Variants in CC2D2B observed in about 807,000 individuals in gnomAD.
CC2D2B encodes the protein protein CC2D2B.
A neutral mutation model predicts 161.2 loss-of-function variants in CC2D2B; 128 were observed. That is an observed-to-expected ratio of 0.79 (90% CI 0.69 to 0.92). The LOEUF is 0.92. CC2D2B is among the 40% of genes least tolerant of loss of function. CC2D2B has a pLI of 0.00. For synonymous variants in CC2D2B, 391 were observed against 449.8 expected (o/e 0.87, Z 1.65); for missense variants, 1,173 against 1,375.1 (o/e 0.85, Z 2.32).
intron 3 of CC2D2B, among the ~76,000 whole-genome samples, 199 bp from the exon 4 acceptor site, chr10:95,924,111 GTATT>G (rs1387822320): frequency 6.6e-6 from 1 of 152,170 alleles, no homozygotes; most frequent in East Asian, 1.9e-4. Flanking sequence ...ATGGGTGAAA[GTATT>G]TATTCCAGAT....
intron 9 of CC2D2B, among the ~76,000 whole-genome samples, chr10:95,947,725 G>C (rs2076271811): frequency 6.6e-6 from 1 of 151,868 alleles, no homozygotes; most frequent in African/African-American, 2.4e-5. Context: ...TTCCAGCCTG[G>C]TGACACAGTG....
At chr10:95,976,100 G>A (rs922474015) in intron 17 of CC2D2B, among the ~76,000 whole-genome samples, 4 of 152,070 alleles carry the variant, frequency 2.6e-5, no homozygotes, top group African/African-American at 9.7e-5. Flanking sequence ...CATCTCCCTA[G>A]GCTGTTGGTC....
At chr10:95,983,847 T>C in intron 19 of CC2D2B, 38 bp downstream of exon 19, 1 of 952,100 alleles carries the variant, frequency 1.1e-6, no homozygotes, top group Non-Finnish European at 1.4e-6. Flanking sequence ...TATTGTATGA[T>C]AAAGTTAACG....
chr10:95,964,509 C>T (rs569412138), intron 12 of CC2D2B, among the ~76,000 whole-genome samples: 18 of 152,080 alleles, frequency 1.2e-4, no homozygotes, highest in African/African-American at 3.4e-4. Context: ...GCCCTGAATC[C>T]GAAGAAAATA....
At chr10:95,988,578 A>G (rs2077823590) in intron 20 of CC2D2B, among the ~76,000 whole-genome samples, 2 of 152,172 alleles carry the variant, frequency 1.3e-5, no homozygotes, top group Admixed American at 1.3e-4. Flanking sequence ...GTTTAAACAT[A>G]CATTTTAAAG....
rs10748652 is a variant in CC2D2B, at chr10:96,012,739, T to A, written c.3426+10T>A. Reference sequence around the variant, plus strand: ...TTCTAATGCAACATTTGTAAGTTATTATTATTTTTAACATCTTCATTGTGA... The same window carrying A: ...TTCTAATGCAACATTTGTAAGTTATAATTATTTTTAACATCTTCATTGTGA... On this transcript the variant is annotated intron_variant, in intron 28 of 34. Transcript: ENST00000646931. 893,147 of 1,502,660 alleles carry A rather than the reference T, an allele frequency of 0.59. 267,824 individuals carry two copies. Among genetic ancestry groups the A allele is most frequent in the East Asian group, 0.81 (35,921 of 44,226 alleles). 93.1% of individuals were successfully genotyped at this position (1,502,660 alleles called of 1,614,324 possible).
At chr10:95,929,243 G>C (rs757667062) in intron 6 of CC2D2B, among the ~76,000 whole-genome samples, 17 of 151,848 alleles carry the variant, frequency 1.1e-4, no homozygotes, top group Non-Finnish European at 2.2e-4. Flanking sequence ...CTTTTTGATG[G>C]GGTTGTTTTT....
chr10:95,910,268 G>C (rs1280226616), intron 1 of CC2D2B, among the ~76,000 whole-genome samples: 2 of 152,164 alleles, frequency 1.3e-5, no homozygotes, highest in South Asian at 2.1e-4. Context: ...TCTTGTATTA[G>C]GCCATTCTTG....
chr10:95,968,328 C>G (rs563716194), intron 14 of CC2D2B, among the ~76,000 whole-genome samples: 2 of 152,218 alleles, frequency 1.3e-5, no homozygotes, highest in African/African-American at 4.8e-5. Context: ...ATGTGTGTGT[C>G]TTTTTAAAGT....
intron 11 of CC2D2B, among the ~76,000 whole-genome samples, chr10:95,960,306 T>A (rs942044971): frequency 6.6e-6 from 1 of 152,196 alleles, no homozygotes; most frequent in African/African-American, 2.4e-5. Context: ...ACAAAAAATG[T>A]TGGTAACATT....
At chr10:95,909,459 T>C (rs920263959) in intron 1 of CC2D2B, among the ~76,000 whole-genome samples, 6 of 152,198 alleles carry the variant, frequency 3.9e-5, no homozygotes, top group African/African-American at 1.4e-4. Context: ...TTAGGAAACA[T>C]TGCTATAAGA....
At chr10:95,983,874 C>T in intron 19 of CC2D2B, 65 bp downstream of exon 19, 1 of 687,772 alleles carries the variant, frequency 1.5e-6, no homozygotes, top group Non-Finnish European at 2.0e-6. Flanking sequence ...TGCTTTAACC[C>T]TATCTTAATT....
chr10:95,944,606 A>G (rs2076133569), intron 9 of CC2D2B, among the ~76,000 whole-genome samples: 1 of 152,228 alleles, frequency 6.6e-6, no homozygotes, highest in Non-Finnish European at 1.5e-5. Context: ...AATTTGTTGA[A>G]TGAATGAATA....
At chr10:95,917,076 G>A (rs550202695) in intron 2 of CC2D2B, among the ~76,000 whole-genome samples, 6 of 152,300 alleles carry the variant, frequency 3.9e-5, no homozygotes, top group Non-Finnish European at 8.8e-5. Flanking sequence ...GTGCTTCAGT[G>A]TTGGGAGCAT....
chr10:95,991,211 T>C (rs1219224264), intron 20 of CC2D2B, among the ~76,000 whole-genome samples, 159 bp from the exon 21 acceptor site: 1 of 152,236 alleles, frequency 6.6e-6, no homozygotes, highest in Non-Finnish European at 1.5e-5. Flanking sequence ...ACTTTAATAA[T>C]GGCAGCAAAC....
intron 34 of CC2D2B, among the ~76,000 whole-genome samples, chr10:96,029,240 CCATATATATA>C (rs2079918890): frequency 3.6e-5 from 2 of 56,146 alleles, no homozygotes; most frequent in Admixed American, 5.2e-4. Flanking sequence ...TTTTCATGTA[CCATATATATA>C]TATATATATA....
In CC2D2B at chr10:95,983,754, T is replaced by G; in HGVS notation, c.2231T>G (p.Phe744Cys). 8.1e-7 allele frequency: 1 copy of G among 1,231,410 alleles called. No individual in the cohort carries two copies. Among genetic ancestry groups the G allele is most frequent in the Non-Finnish European group, 1.0e-6 (1 of 987,400 alleles). The allele number at this position is 1,231,410 out of a possible 1,614,324, so 76.3% of individuals were successfully genotyped here. The stretch of plus-strand genomic sequence containing the variant: ...AGAAATGCAGGTCAATTAGATAATT[T>G]CCTTCTACAGCAAATGCCCCTCCAT... ...QLRNAGQLDN[F>C]LLQQMPLHDT... is the part of the protein sequence containing the mutation. Residue 744 changes from phenylalanine to cysteine, a missense_variant, in exon 19 of 35, where the codon TTC becomes TGC. Coordinates refer to ENST00000646931, the MANE Select transcript of CC2D2B (RefSeq NM_001349008.3).
At chr10:95,937,553 C>T (rs1335772793) in intron 6 of CC2D2B, among the ~76,000 whole-genome samples, 1 of 149,850 alleles carries the variant, frequency 6.7e-6, no homozygotes, top group Non-Finnish European at 1.5e-5. Flanking sequence ...TTCATGAATA[C>T]CTTGTAGAAA....
chr10:95,994,772 T>C (rs1009936943), intron 22 of CC2D2B, among the ~76,000 whole-genome samples: 11 of 152,186 alleles, frequency 7.2e-5, no homozygotes, highest in African/African-American at 2.7e-4. Context: ...ATATTAGTAA[T>C]ACAAAAAGAG....
Sources: gnomAD v4.1 joint callset for allele counts (sites outside exome capture counted in the v4.1 genomes callset) on GRCh38, gnomAD v4.1.1 for gene constraint, MANE v1.5 for transcripts, NCBI Gene and HGNC (gene_info 2026-07-23, HGNC 2026-07-21) for gene names.